The following PABPC4L variants were observed in gnomAD, a reference collection of about 807,000 sequenced individuals.
The protein encoded by PABPC4L is poly(A) binding protein cytoplasmic 4 like.
For missense variants in PABPC4L, 452 were observed against 451.4 expected, an observed-to-expected ratio of 1.00 and a Z score of -0.01; for synonymous variants, 169 against 164.1, an observed-to-expected ratio of 1.03 and a Z score of -0.23.
the PABPC4L span, among the ~76,000 whole-genome samples, chr4:134,078,858 G>C: frequency 6.6e-6 from 1 of 150,902 alleles, no homozygotes; most frequent in Non-Finnish European, 1.5e-5. Flanking sequence ...AGTCGAGACG[G>C]GGTTTCTCCA....
chr4:134,139,592 A>G, the PABPC4L span, among the ~76,000 whole-genome samples: 2 of 151,978 alleles, frequency 1.3e-5, no homozygotes, highest in Non-Finnish European at 2.9e-5. Flanking sequence ...AGTGTCATCT[A>G]AGTAAAACAA....
At chr4:133,961,990 G>A in the PABPC4L span, among the ~76,000 whole-genome samples, 5 of 152,106 alleles carry the variant, frequency 3.3e-5, no homozygotes, top group East Asian at 1.9e-4. Context: ...GGGGCTTGCC[G>A]CCATCTTGGA....
At chr4:134,168,287 G>T in the PABPC4L span, among the ~76,000 whole-genome samples, 1 of 151,878 alleles carries the variant, frequency 6.6e-6, no homozygotes, top group African/African-American at 2.4e-5. Context: ...GTAATAAAAG[G>T]AATGTTTATA....
the PABPC4L span, among the ~76,000 whole-genome samples, chr4:133,985,761 A>G: frequency 3.3e-5 from 5 of 152,028 alleles, no homozygotes; most frequent in African/African-American, 4.8e-5. Context: ...GTTCTAATAA[A>G]TTATTCTTGA....
chr4:134,107,078 C>T, the PABPC4L span, among the ~76,000 whole-genome samples: 3 of 151,192 alleles, frequency 2.0e-5, no homozygotes, highest in African/African-American at 7.3e-5. Flanking sequence ...TTTTAGGGCA[C>T]ATTAAAATAC....
At chr4:134,165,559 G>C in the PABPC4L span, among the ~76,000 whole-genome samples, 1 of 152,078 alleles carries the variant, frequency 6.6e-6, no homozygotes, top group Non-Finnish European at 1.5e-5. Context: ...GATCATTATG[G>C]AAATGCAAAT....
the PABPC4L span, among the ~76,000 whole-genome samples, chr4:134,025,293 G>A: frequency 8.3e-6 from 1 of 121,132 alleles, no homozygotes; most frequent in African/African-American, 3.1e-5. Context: ...GCAACAGAGC[G>A]AGAATTCATC....
the PABPC4L span, among the ~76,000 whole-genome samples, chr4:134,151,135 A>G: frequency 2.0e-5 from 3 of 152,256 alleles, no homozygotes; most frequent in South Asian, 6.2e-4. Context: ...GGGGAAAGGG[A>G]GGCTAGAATC....
chr4:134,117,028 CTG>C, the PABPC4L span, among the ~76,000 whole-genome samples: 2 of 151,116 alleles, frequency 1.3e-5, no homozygotes, highest in Admixed American at 6.6e-5. Flanking sequence ...TTCTATTTTT[CTG>C]TCTCTTTTTT....
At chr4:134,046,195 G>A in the PABPC4L span, among the ~76,000 whole-genome samples, 1 of 152,090 alleles carries the variant, frequency 6.6e-6, no homozygotes, top group Admixed American at 6.6e-5. Context: ...CTCAGCAAGG[G>A]GAATGGGGCA....
chr4:133,959,158 A>G, the PABPC4L span, among the ~76,000 whole-genome samples: 1 of 131,236 alleles, frequency 7.6e-6, no homozygotes, highest in East Asian at 2.9e-4. Flanking sequence ...ATTCAGCAAA[A>G]TTTCTTTAAG....
At chr4:134,007,668 A>G in the PABPC4L span, among the ~76,000 whole-genome samples, 1 of 151,790 alleles carries the variant, frequency 6.6e-6, no homozygotes, top group East Asian at 1.9e-4. Context: ...TTATCATCCT[A>G]TCTACTACAC....
the PABPC4L span, among the ~76,000 whole-genome samples, chr4:134,006,805 C>A: frequency 6.6e-6 from 1 of 151,566 alleles, no homozygotes; most frequent in Non-Finnish European, 1.5e-5. Context: ...TTATTTGGTT[C>A]AAAACTCGTA....
At chr4:134,101,400 G>T in the PABPC4L span, among the ~76,000 whole-genome samples, 5 of 151,400 alleles carry the variant, frequency 3.3e-5, no homozygotes, top group African/African-American at 1.2e-4. Context: ...TATTTTGCAT[G>T]TGATAAACTT....
the PABPC4L span, among the ~76,000 whole-genome samples, chr4:134,119,715 T>A: frequency 6.6e-6 from 1 of 151,690 alleles, no homozygotes; most frequent in South Asian, 2.1e-4. Flanking sequence ...ACAACCTATG[T>A]GCCCTCTCAT....
At chr4:134,070,602 A>T in the PABPC4L span, among the ~76,000 whole-genome samples, 5 of 151,586 alleles carry the variant, frequency 3.3e-5, no homozygotes, top group African/African-American at 9.7e-5. Context: ...GGAGGAGGGG[A>T]GGTGTGGTCT....
chr4:134,153,959 A>G, the PABPC4L span, among the ~76,000 whole-genome samples: 1 of 151,642 alleles, frequency 6.6e-6, no homozygotes, highest in Admixed American at 6.6e-5. Flanking sequence ...GGATTTTAAC[A>G]TTTCAAACAA....
At chr4:134,143,233 G>A in the PABPC4L span, among the ~76,000 whole-genome samples, 4 of 149,906 alleles carry the variant, frequency 2.7e-5, no homozygotes, top group African/African-American at 7.3e-5. Flanking sequence ...AGATATTATT[G>A]AGAAGATATA....
the PABPC4L span, among the ~76,000 whole-genome samples, chr4:134,075,983 A>G: frequency 2.0e-5 from 3 of 152,224 alleles, no homozygotes; most frequent in Non-Finnish European, 4.4e-5. Context: ...TAAACAAATG[A>G]ACAGGGCAAT....
Sources: allele counts gnomAD v4.1 joint callset (sites outside exome capture counted in the v4.1 genomes callset), GRCh38; gene constraint gnomAD v4.1.1; transcripts MANE v1.5; gene names NCBI Gene and HGNC (gene_info 2026-07-23, HGNC 2026-07-21).